SEPTIN2: variants seen among roughly 807,000 people sequenced by gnomAD.
SEPTIN2 encodes septin 2.
SEPTIN2 carries 34 observed loss-of-function variants against 46.5 expected under a neutral mutation model. That is an observed-to-expected ratio of 0.73 (90% CI 0.56 to 0.97). The LOEUF is 0.97. Ranked by LOEUF, SEPTIN2 falls within the 50% of genes least tolerant of loss-of-function variation. The pLI, the probability that SEPTIN2 is intolerant of heterozygous loss-of-function variation, is 0.00. For synonymous variants in SEPTIN2, 175 were observed against 153.4 expected (o/e 1.14, Z -1.04); for missense variants, 347 against 448.4 (o/e 0.77, Z 2.04).
At chr2:241,326,339 T>C (rs2077961204) in intron 3 of SEPTIN2, among the ~76,000 whole-genome samples, 1 of 152,252 alleles carries the variant, frequency 6.6e-6, no homozygotes, top group Non-Finnish European at 1.5e-5. Flanking sequence ...ACTCATTGTG[T>C]CAGCTAGGCT....
At chr2:241,338,868 ATATT>A (rs1287425016) in intron 7 of SEPTIN2, among the ~76,000 whole-genome samples, 4 of 45,608 alleles carry the variant, frequency 8.8e-5, no homozygotes, top group East Asian at 5.9e-4. Flanking sequence ...AAAAATATAT[ATATT>A]TAATATATCT....
chr2:241,337,813 C>T (rs1210507019), intron 7 of SEPTIN2, 23 bp downstream of exon 7: 1 of 1,554,522 alleles, frequency 6.4e-7, no homozygotes, highest in Non-Finnish European at 8.9e-7. Context: ...GGCGTCCTGC[C>T]CTCCCTCTGG....
chr2:241,337,719 G>A lies in SEPTIN2; in HGVS notation c.523G>A (p.Val175Met). The A allele has an allele frequency of 6.2e-7, 1 of 1,614,014 alleles. No homozygotes were observed. The highest frequency in any genetic ancestry group is 8.5e-7 in the Non-Finnish European group (1 of 1,179,980). Residue 175 changes from valine (V) to methionine (M), a missense_variant, in exon 7 of 13, where the codon GTG (valine) becomes ATG (methionine). Transcript: ENST00000391971. ...VAFMKAIHNKVNIVPVIAKAD... is the reference protein window; with the variant it reads ...VAFMKAIHNKMNIVPVIAKAD... ...GTTTATGAAGGCAATACACAACAAG[G>A]TGAATATTGTGCCTGTCATTGCAAA...
At chr2:241,321,559 G>C (rs1047822034) in intron 1 of SEPTIN2, among the ~76,000 whole-genome samples, 2 of 151,764 alleles carry the variant, frequency 1.3e-5, no homozygotes, top group Admixed American at 6.6e-5. Context: ...ATAGCTGGAC[G>C]GTTTGTTGTT....
chr2:241,344,638 G>A (rs1330505288), intron 9 of SEPTIN2, among the ~76,000 whole-genome samples: 1 of 152,198 alleles, frequency 6.6e-6, no homozygotes, highest in Non-Finnish European at 1.5e-5. Flanking sequence ...AGGAGGCAGA[G>A]GTTGCAGTGA....
chr2:241,349,210 TAAA>T, intron 11 of SEPTIN2, among the ~76,000 whole-genome samples: 1 of 151,324 alleles, frequency 6.6e-6, no homozygotes, highest in Non-Finnish European at 1.5e-5. Context: ...AGAAAAAAAT[TAAA>T]AAATAATTAG....
chr2:241,335,075 A>G, intron 3 of SEPTIN2, 51 bp from the exon 4 acceptor site: 1 of 1,294,886 alleles, frequency 7.7e-7, no homozygotes, highest in South Asian at 1.2e-5. Flanking sequence ...TAACCGATTG[A>G]ATGGTGTCAT....
intron 2 of SEPTIN2, chr2:241,325,203 T>A (rs2077749681): frequency 6.6e-6 from 1 of 152,244 alleles, no homozygotes; most frequent in Non-Finnish European, 1.5e-5. Context: ...AATACTATTT[T>A]GTATCTTGCC....
chr2:241,346,031 C>G lies in SEPTIN2; in HGVS notation c.843-135C>G. ...CGGCCATACTCATTATCCTGAAATC[C>G]CAGCAGCTTTATGTACAATTTACCA... On this transcript the variant is annotated intron_variant, in intron 9 of 12. Coordinates refer to ENST00000391971, the MANE Select transcript of SEPTIN2 (RefSeq NM_004404.5). 3 of 602,592 alleles carry G rather than the reference C, an allele frequency of 5.0e-6. No individual in the cohort carries two copies. The South Asian group carries it at 6.1e-5, about 12-fold the overall frequency. 37.3% of individuals were successfully genotyped at this position (602,592 alleles called of 1,614,324 possible).
chr2:241,347,246 A>G (rs1192137655), intron 10 of SEPTIN2, among the ~76,000 whole-genome samples: 1 of 152,182 alleles, frequency 6.6e-6, no homozygotes, highest in African/African-American at 2.4e-5. Context: ...ACCCTGTCTC[A>G]ACAACAAAAG....
intron 7 of SEPTIN2, among the ~76,000 whole-genome samples, chr2:241,338,249 G>A (rs932044537): frequency 1.4e-4 from 21 of 152,104 alleles, no homozygotes; most frequent in African/African-American, 4.8e-4. Context: ...AGCTCCTGTG[G>A]TGTCCCAGTT....
chr2:241,330,892 G>A (rs1293562173), intron 3 of SEPTIN2, among the ~76,000 whole-genome samples: 1 of 152,218 alleles, frequency 6.6e-6, no homozygotes, highest in East Asian at 1.9e-4. Context: ...AAATTAGGCT[G>A]AGTGCAGTGG....
At chr2:241,337,089 G>C (rs1270590519) in intron 5 of SEPTIN2, 3 of 260,484 alleles carry the variant, frequency 1.2e-5, no homozygotes, top group African/African-American at 6.8e-5. Context: ...GCAAGACTCA[G>C]TCTCAAAAAA....
intron 1 of SEPTIN2, among the ~76,000 whole-genome samples, chr2:241,321,450 G>T (rs2077106258): frequency 6.6e-6 from 1 of 152,080 alleles, no homozygotes; most frequent in Non-Finnish European, 1.5e-5. Context: ...GCTGATAGTA[G>T]TGTTGTCTCT....
chr2:241,346,380 T>TA (rs2060234903), intron 10 of SEPTIN2, 131 bp downstream of exon 10: 1 of 575,948 alleles, frequency 1.7e-6, no homozygotes, highest in Non-Finnish European at 3.0e-6. Context: ...AAAGTTATTA[T>TA]AAAAGAGTTG....
At chr2:241,321,448 T>A (rs1402596379) in intron 1 of SEPTIN2, among the ~76,000 whole-genome samples, 1 of 152,210 alleles carries the variant, frequency 6.6e-6, no homozygotes, top group Non-Finnish European at 1.5e-5. Context: ...TGGCTGATAG[T>A]AGTGTTGTCT....
chr2:241,322,811 C>T (rs1207752391), intron 1 of SEPTIN2, among the ~76,000 whole-genome samples: 7 of 151,992 alleles, frequency 4.6e-5, no homozygotes, highest in Non-Finnish European at 8.8e-5. Context: ...AGTTACAGTG[C>T]TCTATGTAAT....
At chr2:241,348,027 G>A in intron 10 of SEPTIN2, 107 bp from the exon 11 acceptor site, 1 of 849,604 alleles carries the variant, frequency 1.2e-6, no homozygotes, top group South Asian at 1.6e-5. Context: ...TATAAAAAGA[G>A]AAATGATAAA....
chr2:241,350,882 G>A (rs1288371737), intron 12 of SEPTIN2, among the ~76,000 whole-genome samples: 2 of 152,084 alleles, frequency 1.3e-5, no homozygotes, highest in Admixed American at 6.5e-5. Context: ...CTGTCCAGGT[G>A]GCCACTCCCA....
Sources: allele counts gnomAD v4.1 joint callset (sites outside exome capture counted in the v4.1 genomes callset), GRCh38; gene constraint gnomAD v4.1.1; transcripts MANE v1.5; gene names NCBI Gene and HGNC (gene_info 2026-07-23, HGNC 2026-07-21).